The following MTERF4 variants were observed in gnomAD, a reference collection of about 807,000 sequenced individuals.
The protein encoded by MTERF4 is mitochondrial transcription termination factor 4.
A neutral mutation model predicts 22.5 loss-of-function variants in MTERF4; 17 were observed. That is an observed-to-expected ratio of 0.75 (90% CI 0.52 to 1.13). MTERF4 has a LOEUF of 1.13. MTERF4 is among the 50% of genes most tolerant of loss of function. The probability of loss-of-function intolerance (pLI) is 0.00; values close to 1 mark genes in which losing one functional copy is unlikely to be tolerated. For synonymous variants in MTERF4, 165 were observed against 175.3 expected, an observed-to-expected ratio of 0.94 and a Z score of 0.47; for missense variants, 420 against 466.8, an observed-to-expected ratio of 0.90 and a Z score of 0.92.
downstream of MTERF4, chr2:241,067,760 CT>C (rs1422768408): frequency 6.2e-7 from 1 of 1,602,214 alleles, no homozygotes; most frequent in Non-Finnish European, 8.5e-7. Context: ...TCCATTCCCC[CT>C]AGGACCCCGC....
chr2:241,051,869 C>G, the MTERF4 span: 2 of 1,533,596 alleles, frequency 1.3e-6, no homozygotes, highest in South Asian at 2.5e-5. This position sits in a 1 kb window ranked among gnomAD's most constrained non-coding sequence, Gnocchi z 4.7. Context: ...CGGTGCGGCC[C>G]CCAGGGGCAG....
At chr2:241,091,474 C>A (rs953517828), downstream of MTERF4, among the ~76,000 whole-genome samples, 1 of 152,196 alleles carries the variant, frequency 6.6e-6, no homozygotes, top group Admixed American at 6.5e-5. The surrounding 1 kb of genome is among the most constrained non-coding windows in gnomAD (Gnocchi z 4.1). Flanking sequence ...GGGTCCTCCC[C>A]GTGTGCACTG....
chr2:241,089,326 A>G (rs1062748), downstream of MTERF4: 314,709 of 1,550,260 alleles, frequency 0.2, 32,983 homozygotes, highest in Middle Eastern at 0.26. Context: ...ACCCTTGGGT[A>G]ACAAGCCACT....
chr2:241,071,757 G>A (rs774859824), downstream of MTERF4: 35 of 1,534,516 alleles, frequency 2.3e-5, no homozygotes, highest in East Asian at 4.4e-4. Context: ...CGCCCGAGGC[G>A]GCGCTCGGAC....
At chr2:241,042,663 T>C in the MTERF4 span, among the ~76,000 whole-genome samples, 2 of 152,202 alleles carry the variant, frequency 1.3e-5, no homozygotes, top group Non-Finnish European at 2.9e-5. Flanking sequence ...AAAAACCTAA[T>C]GAGAAGTAGA....
At chr2:241,072,027 C>T (rs373058294), downstream of MTERF4, 33 of 778,016 alleles carry the variant, frequency 4.2e-5, no homozygotes, top group Admixed American at 6.0e-5. Flanking sequence ...GTGCACAAGG[C>T]GCGGGGCTCG....
chr2:241,100,801 G>C (rs1043449849), intron 1 of MTERF4, among the ~76,000 whole-genome samples: 2 of 152,174 alleles, frequency 1.3e-5, no homozygotes, highest in African/African-American at 4.8e-5. Flanking sequence ...ATTAGTAGTT[G>C]AGTTTTGGAG....
downstream of MTERF4, chr2:241,070,128 C>G (rs779021075): frequency 6.2e-7 from 1 of 1,612,474 alleles, no homozygotes; most frequent in Non-Finnish European, 8.5e-7. Flanking sequence ...GGTACCAGCT[C>G]TCTGTGATAG....
the MTERF4 span, among the ~76,000 whole-genome samples, chr2:241,053,754 G>A: frequency 6.6e-6 from 1 of 152,192 alleles, no homozygotes; most frequent in East Asian, 1.9e-4. Context: ...GAGGAGTGCT[G>A]CTCCAGAGAG....
the MTERF4 span, chr2:241,053,227 G>A: frequency 6.2e-7 from 1 of 1,609,170 alleles, no homozygotes; most frequent in African/African-American, 1.3e-5. Context: ...GGGCGCGGTG[G>A]CCCTGTATGC....
At chr2:241,072,897 T>G in exon 5 of MTERF4, 1 of 288,186 alleles carries the variant, frequency 3.5e-6, no homozygotes, top group Non-Finnish European at 6.5e-6. Flanking sequence ...GAGCAGGGGG[T>G]GCCACAGCCT....
the MTERF4 span, chr2:241,052,584 A>AG: frequency 2.8e-6 from 2 of 726,994 alleles, no homozygotes; most frequent in Admixed American, 2.5e-5. Flanking sequence ...TGAGAGGGCC[A>AG]GGGGGCCAAG....
At chr2:241,056,851 G>T in the MTERF4 span, among the ~76,000 whole-genome samples, 1 of 152,044 alleles carries the variant, frequency 6.6e-6, no homozygotes, top group Non-Finnish European at 1.5e-5. Context: ...ACAGTGCTGG[G>T]ATTACAGGCA....
At chr2:241,053,293 C>T in the MTERF4 span, 1 of 1,598,266 alleles carries the variant, frequency 6.3e-7, no homozygotes, top group East Asian at 2.2e-5. Flanking sequence ...CTGCCAGCCA[C>T]ACGGTGTCTG....
In MTERF4 at chr2:241,095,829, G is replaced by A. The variant is rs984104496; in HGVS notation, c.*169C>T. 3 of 1,224,412 alleles carry A rather than the reference G, an allele frequency of 2.5e-6. No homozygotes were observed. Among genetic ancestry groups the A allele is most frequent in the Middle Eastern group, 2.1e-4 (1 of 4,684 alleles). 75.8% of individuals were successfully genotyped at this position (1,224,412 alleles called of 1,614,324 possible). A position where few individuals can be genotyped will look rare whatever the true frequency, so the allele number is the denominator to read the frequency against. On this transcript the variant is annotated 3_prime_UTR_variant, in exon 4 of 4. Coordinates refer to ENST00000391980, the MANE Select transcript of MTERF4 (RefSeq NM_182501.4). ...AACATGCATTTCCTGTTTCCTGTTTGGTTTGATCTGTCTGCCTCTCAGGTG... is the reference window on the plus strand; with the variant it reads ...AACATGCATTTCCTGTTTCCTGTTTAGTTTGATCTGTCTGCCTCTCAGGTG...
In MTERF4 at chr2:241,073,706, C is replaced by A; in HGVS notation, n.2456G>T. 1 of 454,642 alleles carries A rather than the reference C, an allele frequency of 2.2e-6. No individual in the cohort carries two copies. The allele number at this position is 454,642 out of a possible 1,614,324, so 28.2% of individuals were successfully genotyped here. ...CCCCAGCCCCTGCCTCTGGGCCCCT[C>A]ACCCCTCACTTCTCCAAAGAGGAGC... On this transcript the variant is annotated non_coding_transcript_exon_variant, in exon 5 of 5. Transcript: ENST00000464344. The surrounding 1 kb of genome is among the most constrained non-coding windows in gnomAD (Gnocchi z 6.6).
the MTERF4 span, chr2:241,065,721 C>T: frequency 1.2e-6 from 1 of 842,696 alleles, no homozygotes; most frequent in Non-Finnish European, 1.8e-6. Flanking sequence ...GCAAGACAGA[C>T]AGCTGAGCTG....
chr2:241,088,552 G>A (rs562619542), downstream of MTERF4: 9 of 666,170 alleles, frequency 1.4e-5, no homozygotes, highest in South Asian at 5.2e-5. Flanking sequence ...ACAGACTCCC[G>A]GGCAGGAAGG....
downstream of MTERF4, among the ~76,000 whole-genome samples, chr2:241,084,493 C>G (rs1015436382): frequency 6.6e-6 from 1 of 152,140 alleles, no homozygotes; most frequent in African/African-American, 2.4e-5. Context: ...TTCAACTTCA[C>G]GCCGCATACC....
Sources: gnomAD v4.1 joint callset for allele counts (sites outside exome capture counted in the v4.1 genomes callset) on GRCh38, gnomAD v4.1.1 for gene constraint, Gnocchi (gnomAD v3.1) non-coding constraint, MANE v1.5 for transcripts, NCBI Gene and HGNC (gene_info 2026-07-23, HGNC 2026-07-21) for gene names.